The following KDM7A variants were observed in gnomAD, a reference collection of about 807,000 sequenced individuals.
KDM7A encodes lysine-specific demethylase 7A.
In KDM7A, 28 loss-of-function variants were observed where a neutral mutation model predicts 114.8. The ratio of observed to expected loss-of-function variants is 0.24; its 90% CI spans 0.18 to 0.33. KDM7A has a LOEUF of 0.33. KDM7A is among the 10% of genes least tolerant of loss of function. The pLI is 1.00. For synonymous variants in KDM7A, 423 were observed against 397.8 expected, an observed-to-expected ratio of 1.06 and a Z score of -0.75; for missense variants, 942 against 1,142.5, an observed-to-expected ratio of 0.82 and a Z score of 2.53.
At chr7:140,152,790 A>G (rs1794415671) in intron 1 of KDM7A, among the ~76,000 whole-genome samples, 1 of 152,176 alleles carries the variant, frequency 6.6e-6, no homozygotes. Context: ...TGTAAGAAGG[A>G]TTTTTAACCT....
chr7:140,176,911 G>GGCCACCGCC lies in KDM7A; in HGVS notation c.18_26dup (p.Val8_Ala10dup). Reference sequence around the variant, plus strand: ...CGGCGGCTCCAGCTGCTGCTCCCGCGGCCACCGCCGCCGCCGCTCCGGCCA... The same window carrying GGCCACCGCC: ...CGGCGGCTCCAGCTGCTGCTCCCGCGGCCACCGCCGCCACCGCCGCCGCCGCTCCGGCCA... On this transcript the variant is annotated inframe_insertion, in exon 1 of 20. Transcript: ENST00000397560. The surrounding 1 kb of genome is among the most constrained non-coding windows in gnomAD (Gnocchi z 4.4). 8.5e-7 allele frequency: 1 copy of GGCCACCGCC among 1,169,978 alleles called. No individual in the cohort carries two copies. The highest frequency in any genetic ancestry group is 1.1e-6 in the Non-Finnish European group (1 of 941,944). The allele number at this position is 1,169,978 out of a possible 1,614,324, so 72.5% of individuals were successfully genotyped here. A position where few individuals can be genotyped will look rare whatever the true frequency, so the allele number is the denominator to read the frequency against.
rs1275088802 is a variant in KDM7A at position 140,176,246 on chromosome 7, G to A, written c.194+498C>T. 6.6e-6 allele frequency among the ~76,000 whole-genome samples: 1 copy of A among 151,448 alleles called. No individual in the cohort carries two copies. The highest frequency in any genetic ancestry group is 2.4e-5 in the African/African-American group (1 of 41,338). ...CAGGGACCCGCGGCGCGGAGGAGAC[G>A]CGGGGCCGGGGCGACCCCATCGCCG... On this transcript the variant is annotated intron_variant, in intron 1 of 19. Coordinates refer to ENST00000397560, the MANE Select transcript of KDM7A (RefSeq NM_030647.2). The surrounding 1 kb of genome is among the most constrained non-coding windows in gnomAD (Gnocchi z 4.4).
intron 11 of KDM7A, among the ~76,000 whole-genome samples, chr7:140,102,579 C>G (rs975737740): frequency 2.0e-5 from 3 of 152,096 alleles, no homozygotes; most frequent in African/African-American, 7.2e-5. Flanking sequence ...TGCCATGTTG[C>G]CCAGGCTGGT....
At chr7:140,100,099 C>A in intron 12 of KDM7A, 76 bp from the exon 13 acceptor site, 1 of 1,473,390 alleles carries the variant, frequency 6.8e-7, no homozygotes, top group South Asian at 1.2e-5. Context: ...TACAGTATAC[C>A]ACCACCTCCC....
intron 4 of KDM7A, among the ~76,000 whole-genome samples, chr7:140,127,785 G>GAA (rs1045876361): frequency 2.0e-5 from 3 of 152,144 alleles, no homozygotes; most frequent in African/African-American, 7.2e-5. Flanking sequence ...AGAGGAAAAG[G>GAA]AAAGCAGTAA....
intron 11 of KDM7A, among the ~76,000 whole-genome samples, chr7:140,109,099 G>T (rs1368436688): frequency 6.6e-6 from 1 of 152,174 alleles, no homozygotes; most frequent in East Asian, 1.9e-4. Flanking sequence ...CTGATGTGCT[G>T]TTTGCTAAGA....
At position 140,099,006 on chromosome 7, in the gene KDM7A, T is replaced by A. The variant is rs754716440; in HGVS notation, c.1791A>T (p.Gln597His). Reference protein sequence around the residue: ...IKDERQPFADQSLYTADSENE... With the variant: ...IKDERQPFADHSLYTADSENE... ...TTTCACTATCTGCTGTATAAAGACTTTGATCTGCAAAGGGCTGCCTTTCAT... is the reference window on the plus strand; with the variant it reads ...TTTCACTATCTGCTGTATAAAGACTATGATCTGCAAAGGGCTGCCTTTCAT... The change falls in exon 14 of 20, where the codon CAA (glutamine) becomes CAT (histidine). Residue 597 changes from glutamine to histidine, a missense_variant. Transcript: ENST00000397560. The A allele has an allele frequency of 6.2e-7, 1 of 1,613,136 alleles. No individual in the cohort carries two copies. Among genetic ancestry groups the A allele is most frequent in the African/African-American group, 1.3e-5 (1 of 74,976 alleles).
At chr7:140,154,527 A>AAAGAC in intron 1 of KDM7A, among the ~76,000 whole-genome samples, 1 of 151,574 alleles carries the variant, frequency 6.6e-6, no homozygotes, top group Non-Finnish European at 1.5e-5. Flanking sequence ...AAAAGACAAA[A>AAAGAC]AACAGTGTCC....
At chr7:140,113,227 TGTTC>T (rs1477921104) in intron 10 of KDM7A, among the ~76,000 whole-genome samples, 3 of 152,252 alleles carry the variant, frequency 2.0e-5, no homozygotes, top group Non-Finnish European at 4.4e-5. Flanking sequence ...GTTACCTATA[TGTTC>T]ATTTCTTAGT....
chr7:140,085,708 T>G lies in KDM7A; in HGVS notation c.*5386A>C, dbSNP rs1301285760. On this transcript the variant is annotated 3_prime_UTR_variant, in exon 20 of 20. Coordinates refer to ENST00000397560, the MANE Select transcript of KDM7A (RefSeq NM_030647.2). ...TAACCATAAACTGTAAGGCCCTTAG[T>G]TTGGTTTAGGTTTCTTTTGCAAGAT... 4 of 152,130 alleles carry G rather than the reference T, an allele frequency of 2.6e-5. No individual in the cohort carries two copies. 9.4% of individuals were successfully genotyped at this position (152,130 alleles called of 1,614,324 possible).
At position 140,176,268 on chromosome 7, in the gene KDM7A, G is replaced by T. The variant is rs1250670537; in HGVS notation, c.194+476C>A. On this transcript the variant is annotated intron_variant, in intron 1 of 19. Coordinates refer to ENST00000397560, the MANE Select transcript of KDM7A (RefSeq NM_030647.2). This position sits in a 1 kb window ranked among gnomAD's most constrained non-coding sequence, Gnocchi z 4.4. ...GACGCGGGGCCGGGGCGACCCCATCGCCGCCCGGAAGGAAGGCAGGCGCGT... is the reference window on the plus strand; with the variant it reads ...GACGCGGGGCCGGGGCGACCCCATCTCCGCCCGGAAGGAAGGCAGGCGCGT... 2.0e-5 allele frequency among the ~76,000 whole-genome samples: 3 copies of T among 150,128 alleles called. No individual in the cohort carries two copies. The highest frequency in any genetic ancestry group is 4.4e-5 in the Non-Finnish European group (3 of 67,536).
intron 11 of KDM7A, among the ~76,000 whole-genome samples, chr7:140,103,713 A>T (rs902465201): frequency 3.3e-5 from 5 of 152,154 alleles, no homozygotes; most frequent in African/African-American, 1.2e-4. Context: ...TCTATCATTG[A>T]TGGACATTTG....
At chr7:140,133,269 C>T (rs1227820946) in intron 3 of KDM7A, among the ~76,000 whole-genome samples, 2 of 152,158 alleles carry the variant, frequency 1.3e-5, no homozygotes, top group Non-Finnish European at 2.9e-5. Context: ...ACTTTTTGGA[C>T]TGTGGCCCAC....
At chr7:140,166,475 G>C (rs910407887) in intron 1 of KDM7A, among the ~76,000 whole-genome samples, 1 of 151,532 alleles carries the variant, frequency 6.6e-6, no homozygotes, top group Non-Finnish European at 1.5e-5. Flanking sequence ...AAGTAGCTGG[G>C]AATACAGGCA....
In KDM7A at chr7:140,088,633, C is replaced by T. The variant is rs1281146373; in HGVS notation, c.*2461G>A. On this transcript the variant is annotated 3_prime_UTR_variant, in exon 20 of 20. Transcript: ENST00000397560. ...GACCAGGAGTCACTGGATCAGTGGC[C>T]GAATTTTCACCAATTCAGAAAAAGA... 2 of 395,952 alleles carry T rather than the reference C, an allele frequency of 5.1e-6. No individual in the cohort carries two copies. The highest frequency in any genetic ancestry group is 2.1e-5 in the African/African-American group (1 of 48,492). The allele number at this position is 395,952 out of a possible 1,614,324, so 24.5% of individuals were successfully genotyped here.
At chr7:140,126,613 G>A (rs761933568) in intron 6 of KDM7A, 24 bp downstream of exon 6, 2 of 1,511,932 alleles carry the variant, frequency 1.3e-6, no homozygotes, top group South Asian at 2.6e-5. Flanking sequence ...GTCAGTGAGA[G>A]AACAAAAAAT....
At chr7:140,127,198 C>T (rs542047104) in intron 5 of KDM7A, among the ~76,000 whole-genome samples, 5 of 152,274 alleles carry the variant, frequency 3.3e-5, no homozygotes, top group East Asian at 1.9e-4. Context: ...TGGCCTCAAG[C>T]GATCCACTCG....
chr7:140,137,196 G>C (rs1194851459), intron 2 of KDM7A, among the ~76,000 whole-genome samples: 7 of 152,112 alleles, frequency 4.6e-5, no homozygotes. Context: ...TCAATGCCTG[G>C]TCTTATGTTC....
intron 14 of KDM7A, among the ~76,000 whole-genome samples, chr7:140,098,354 C>A (rs1467977855): frequency 6.6e-6 from 1 of 152,088 alleles, no homozygotes; most frequent in Non-Finnish European, 1.5e-5. Flanking sequence ...AGAAGAAAGA[C>A]CTTAAGGAGA....
Sources: gnomAD v4.1 joint callset for allele counts (sites outside exome capture counted in the v4.1 genomes callset) on GRCh38, gnomAD v4.1.1 for gene constraint, Gnocchi (gnomAD v3.1) non-coding constraint, MANE v1.5 for transcripts, NCBI Gene and HGNC (gene_info 2026-07-23, HGNC 2026-07-21) for gene names.